Variants in PHACTR1 observed in about 807,000 individuals in gnomAD.
PHACTR1 encodes the protein RPEL repeat containing 1.
PHACTR1 carries 16 observed loss-of-function variants against 69.2 expected under a neutral mutation model. The ratio of observed to expected loss-of-function variants is 0.23; its 90% CI spans 0.16 to 0.35. PHACTR1 has a LOEUF of 0.35. Ranked by LOEUF, PHACTR1 falls within the 10% of genes least tolerant of loss-of-function variation. The pLI, the probability that PHACTR1 is intolerant of heterozygous loss-of-function variation, is 1.00. For synonymous variants in PHACTR1, 312 were observed against 284.5 expected (o/e 1.10, Z -0.97); for missense variants, 510 against 734.7 (o/e 0.69, Z 3.54).
At chr6:13,250,349 T>C (rs1274736176) in intron 10 of PHACTR1, among the ~76,000 whole-genome samples, 1 of 152,232 alleles carries the variant, frequency 6.6e-6, no homozygotes, top group Non-Finnish European at 1.5e-5. Context: ...ATTACTCTAA[T>C]CATCAAAATA....
Position 13,195,757 on chromosome 6 carries a change from C to CAAAAAAAAAAAAAAAAAAAA in PHACTR1, c.665-10054_665-10035dup, listed in dbSNP as rs869092852. ...TGGGCGACAGAGAGAGACACCGTCT[C>CAAAAAAAAAAAAAAAAAAAA]AAAAAAAAAAAAAAAAAAAAAAAGT... On this transcript the variant is annotated intron_variant, in intron 7 of 14. Coordinates refer to ENST00000332995, the MANE Select transcript of PHACTR1 (RefSeq NM_030948.6). Among the ~76,000 whole-genome samples the CAAAAAAAAAAAAAAAAAAAA allele has an allele frequency of 6.2e-3, 256 of 41,476 alleles. 41 individuals are homozygous for CAAAAAAAAAAAAAAAAAAAA. Among genetic ancestry groups the CAAAAAAAAAAAAAAAAAAAA allele is most frequent in the Non-Finnish European group, 7.8e-3 (145 of 18,670 alleles). The allele number at this position is 41,476 out of a possible 152,430, so 27.2% of individuals were successfully genotyped here. A position where few individuals can be genotyped will look rare whatever the true frequency, so the allele number is the denominator to read the frequency against.
chr6:12,744,425 A>G (rs1215607131), intron 3 of PHACTR1, among the ~76,000 whole-genome samples: 4 of 152,242 alleles, frequency 2.6e-5, no homozygotes, highest in African/African-American at 9.6e-5. Context: ...TTTTGTTCAC[A>G]GGAGTACACT....
At chr6:12,843,249 CT>C (rs1778878247) in intron 4 of PHACTR1, among the ~76,000 whole-genome samples, 2 of 152,204 alleles carry the variant, frequency 1.3e-5, no homozygotes, top group African/African-American at 4.8e-5. Context: ...AGGACTTTAG[CT>C]CCGGAGGTTT....
At chr6:13,042,201 A>T (rs1301006576) in intron 4 of PHACTR1, among the ~76,000 whole-genome samples, 1 of 152,232 alleles carries the variant, frequency 6.6e-6, no homozygotes, top group Admixed American at 6.5e-5. Flanking sequence ...CCCCACCTAC[A>T]TAATGGGGGT....
chr6:13,272,961 TTTG>T (rs1353072539), intron 11 of PHACTR1, 46 bp downstream of exon 11: 4 of 1,608,520 alleles, frequency 2.5e-6, no homozygotes, highest in East Asian at 2.2e-5. Context: ...TGTGGCGGCT[TTTG>T]TTATTATTTA....
At chr6:13,203,894 G>A (rs1765561453) in intron 7 of PHACTR1, among the ~76,000 whole-genome samples, 1 of 152,178 alleles carries the variant, frequency 6.6e-6, no homozygotes, top group African/African-American at 2.4e-5. Context: ...GGCATCTGTG[G>A]AAGGTGAGGA....
chr6:12,857,161 G>A (rs35395772), intron 4 of PHACTR1, among the ~76,000 whole-genome samples: 10,914 of 152,148 alleles, frequency 0.072, 440 homozygotes, highest in Middle Eastern at 0.11. Context: ...AGGGTTGTTT[G>A]TCTTTATTTT....
intron 5 of PHACTR1, among the ~76,000 whole-genome samples, chr6:13,153,278 A>G (rs979674942): frequency 6.6e-6 from 1 of 152,206 alleles, no homozygotes; most frequent in Non-Finnish European, 1.5e-5. Flanking sequence ...TAGTTTTTAT[A>G]TTAAGGCAGA....
chr6:13,239,897 G>C (rs962410689), intron 10 of PHACTR1, among the ~76,000 whole-genome samples: 1 of 152,192 alleles, frequency 6.6e-6, no homozygotes, highest in African/African-American at 2.4e-5. Context: ...GCCACATCTT[G>C]GAGAGCACCG....
intron 4 of PHACTR1, among the ~76,000 whole-genome samples, chr6:12,897,411 C>T (rs539585954): frequency 1.3e-5 from 2 of 152,226 alleles, no homozygotes; most frequent in East Asian, 1.9e-4. Flanking sequence ...CTCTATCATC[C>T]CTCTGCTTCT....
intron 4 of PHACTR1, among the ~76,000 whole-genome samples, chr6:12,810,558 C>T (rs995565694): frequency 1.3e-5 from 2 of 152,184 alleles, no homozygotes; most frequent in Admixed American, 6.5e-5. Context: ...CCTGAGACTC[C>T]ATACCTGGGA....
chr6:13,285,771 C>CA (rs1781547916), intron 13 of PHACTR1, among the ~76,000 whole-genome samples: 1 of 152,196 alleles, frequency 6.6e-6, no homozygotes, highest in Admixed American at 6.5e-5. Context: ...CTCGAGGCAT[C>CA]ACTGTGCCTG....
chr6:13,092,145 G>A (rs779876768), intron 5 of PHACTR1, among the ~76,000 whole-genome samples: 5 of 152,258 alleles, frequency 3.3e-5, no homozygotes, highest in East Asian at 1.9e-4. Context: ...GACAGGAGAC[G>A]GAGCTCAGGT....
At chr6:12,962,489 A>G (rs1306349179) in intron 4 of PHACTR1, among the ~76,000 whole-genome samples, 1 of 152,194 alleles carries the variant, frequency 6.6e-6, no homozygotes, top group Non-Finnish European at 1.5e-5. Flanking sequence ...GGAACATGGT[A>G]CAGCCTTAGA....
chr6:12,769,139 G>T (rs1769057362), intron 4 of PHACTR1, among the ~76,000 whole-genome samples: 1 of 152,072 alleles, frequency 6.6e-6, no homozygotes. Flanking sequence ...TTAAATAGGA[G>T]GATATACACA....
intron 4 of PHACTR1, among the ~76,000 whole-genome samples, chr6:12,801,214 A>G (rs1384968513): frequency 6.6e-6 from 1 of 152,208 alleles, no homozygotes; most frequent in African/African-American, 2.4e-5. Flanking sequence ...TGTATTATAA[A>G]AAGGCTGAAA....
At chr6:12,723,725 A>T (rs1762430787) in intron 3 of PHACTR1, among the ~76,000 whole-genome samples, 1 of 152,078 alleles carries the variant, frequency 6.6e-6, no homozygotes, top group Non-Finnish European at 1.5e-5. Flanking sequence ...GGCCTCAAGC[A>T]GTCCTCCCAC....
chr6:12,846,044 G>T (rs974661323), intron 4 of PHACTR1, among the ~76,000 whole-genome samples: 2 of 151,540 alleles, frequency 1.3e-5, no homozygotes, highest in African/African-American at 2.4e-5. Flanking sequence ...AACTGATAAC[G>T]ATACTGAAGC....
At chr6:12,717,006 T>C (rs1352842100) in intron 1 of PHACTR1, 110 bp downstream of exon 1, 3 of 152,132 alleles carry the variant, frequency 2.0e-5, no homozygotes, top group African/African-American at 7.2e-5. Flanking sequence ...ACAAAATCTA[T>C]GCTATAATAT....
Sources: gnomAD v4.1 joint callset for allele counts (sites outside exome capture counted in the v4.1 genomes callset) on GRCh38, gnomAD v4.1.1 for gene constraint, MANE v1.5 for transcripts, NCBI Gene and HGNC (gene_info 2026-07-23, HGNC 2026-07-21) for gene names.